Variants in ERC2 observed in about 807,000 individuals in gnomAD.
ERC2 encodes ELKS/RAB6-interacting/CAST family member 2.
ERC2 carries 42 observed loss-of-function variants against 114.8 expected under a neutral mutation model. The ratio of observed to expected loss-of-function variants is 0.37; its 90% CI spans 0.29 to 0.47. The LOEUF is 0.47. Ranked by LOEUF, ERC2 falls within the 20% of genes least tolerant of loss-of-function variation. The pLI, the probability that ERC2 is intolerant of heterozygous loss-of-function variation, is 0.99. For missense variants in ERC2, 939 were observed against 1,150.7 expected, an observed-to-expected ratio of 0.82 and a Z score of 2.66; for synonymous variants, 454 against 425.5, an observed-to-expected ratio of 1.07 and a Z score of -0.82.
chr3:56,368,183 T>TAA (rs546295550), intron 2 of ERC2, among the ~76,000 whole-genome samples: 2 of 85,756 alleles, frequency 2.3e-5, no homozygotes. Flanking sequence ...TTCTTTTTTT[T>TAA]TTAAAAAAAA....
At chr3:55,764,241 C>G (rs917363028) in intron 14 of ERC2, among the ~76,000 whole-genome samples, 3 of 152,230 alleles carry the variant, frequency 2.0e-5, no homozygotes, top group Non-Finnish European at 4.4e-5. Flanking sequence ...TCTGCAACAG[C>G]CATAACAGAT....
intron 17 of ERC2, among the ~76,000 whole-genome samples, chr3:55,594,735 T>C (rs2058053468): frequency 6.6e-6 from 1 of 152,158 alleles, no homozygotes; most frequent in Non-Finnish European, 1.5e-5. Flanking sequence ...CCACTGACCT[T>C]GGCCTCCTAA....
At chr3:56,106,155 A>T (rs1201706078) in intron 6 of ERC2, among the ~76,000 whole-genome samples, 1 of 152,196 alleles carries the variant, frequency 6.6e-6, no homozygotes, top group Non-Finnish European at 1.5e-5. Context: ...ATAAAGTAGG[A>T]TCCCTTTTGC....
At chr3:56,114,052 G>A (rs986088312) in intron 6 of ERC2, among the ~76,000 whole-genome samples, 2 of 152,134 alleles carry the variant, frequency 1.3e-5, no homozygotes, top group African/African-American at 4.8e-5. Context: ...CACTTCAAGG[G>A]AGGACAGGGC....
At chr3:55,545,487 G>C (rs1160025551) in intron 17 of ERC2, among the ~76,000 whole-genome samples, 1 of 152,212 alleles carries the variant, frequency 6.6e-6, no homozygotes, top group Non-Finnish European at 1.5e-5. Context: ...AGGTAGAATG[G>C]ATGGGTCACA....
rs187638287 is a variant in ERC2, at chr3:55,772,526, C to A, written c.2565-37608G>T. On this transcript the variant is annotated intron_variant, in intron 14 of 17. Coordinates refer to ENST00000288221, the MANE Select transcript of ERC2 (RefSeq NM_015576.3). ...AGAGACGGGGTTTCACCGCGTTAGC[C>A]AGGATGGTCTCGATCTCCTGACCTC... Among the ~76,000 whole-genome samples, 995 of 152,334 alleles carry A rather than the reference C, an allele frequency of 6.5e-3. 11 individuals are homozygous for A. Among genetic ancestry groups the A allele is most frequent in the African/African-American group, 0.022 (908 of 41,574 alleles).
At chr3:56,052,466 A>G (rs1317522273) in intron 7 of ERC2, among the ~76,000 whole-genome samples, 1 of 152,238 alleles carries the variant, frequency 6.6e-6, no homozygotes, top group Non-Finnish European at 1.5e-5. Context: ...GCCAATATCT[A>G]TACTTGCTGT....
At position 56,036,674 on chromosome 3, in the gene ERC2, G is replaced by A. The variant is rs577666810; in HGVS notation, c.1642-17643C>T. 1.4e-4 allele frequency among the ~76,000 whole-genome samples: 21 copies of A among 152,272 alleles called. No individual in the cohort carries two copies. The South Asian group carries it at 4.4e-3, about 32-fold the overall frequency. On this transcript the variant is annotated intron_variant, in intron 7 of 17. Transcript: ENST00000288221. ...CCACTGGGAGCTGCACAGAACAAGT[G>A]GAGCTCTCACCCCCAGACAAGGGAG...
intron 12 of ERC2, chr3:55,955,241 GGTGTGTTTGTGT>G (rs1407912028): frequency 2.7e-5 from 12 of 450,978 alleles, no homozygotes; most frequent in Middle Eastern, 3.3e-4. Context: ...ACTGTATGGT[GGTGTGTTTGTGT>G]GTGTGTGTGT....
chr3:56,315,038 T>A (rs746173164), intron 2 of ERC2, among the ~76,000 whole-genome samples: 1 of 152,108 alleles, frequency 6.6e-6, no homozygotes, highest in Non-Finnish European at 1.5e-5. Flanking sequence ...TCTAGACGCA[T>A]CCCTTCCACC....
At chr3:56,064,434 ACTT>A (rs1050368564) in intron 7 of ERC2, among the ~76,000 whole-genome samples, 42 of 152,312 alleles carry the variant, frequency 2.8e-4, no homozygotes, top group African/African-American at 8.7e-4. Context: ...TAAGAATTTA[ACTT>A]CTTATTTTAA....
chr3:55,528,053 G>C (rs778452168), intron 17 of ERC2, among the ~76,000 whole-genome samples: 1 of 152,020 alleles, frequency 6.6e-6, no homozygotes, highest in African/African-American at 2.4e-5. Context: ...TACATGAAAG[G>C]GCTTCATAAG....
At chr3:56,000,694 ATGCTT>A in intron 10 of ERC2, among the ~76,000 whole-genome samples, 1 of 152,234 alleles carries the variant, frequency 6.6e-6, no homozygotes, top group East Asian at 1.9e-4. Flanking sequence ...TGGAAGAAGC[ATGCTT>A]TGGTGGAATT....
At chr3:56,157,248 C>T (rs903994808) in intron 4 of ERC2, among the ~76,000 whole-genome samples, 3 of 152,136 alleles carry the variant, frequency 2.0e-5, no homozygotes, top group Admixed American at 1.3e-4. Flanking sequence ...CTGGTTCTTT[C>T]TTCCACAGTA....
At chr3:55,574,517 G>A (rs1241375889) in intron 17 of ERC2, among the ~76,000 whole-genome samples, 1 of 152,022 alleles carries the variant, frequency 6.6e-6, no homozygotes, top group Non-Finnish European at 1.5e-5. Flanking sequence ...GTGGCCTTGG[G>A]AAGAGCTGGG....
At chr3:56,103,442 C>T (rs919949040) in intron 6 of ERC2, among the ~76,000 whole-genome samples, 4 of 152,206 alleles carry the variant, frequency 2.6e-5, no homozygotes, top group Non-Finnish European at 5.9e-5. Context: ...ACAACCTTCC[C>T]TCCTCTCTAA....
chr3:55,706,249 C>A (rs1559526317), intron 15 of ERC2, among the ~76,000 whole-genome samples: 5 of 152,196 alleles, frequency 3.3e-5, no homozygotes, highest in Non-Finnish European at 7.3e-5. Context: ...CCCATTGATG[C>A]ACCCTTTGTT....
At position 56,252,082 on chromosome 3, in the gene ERC2, G is replaced by A. The variant is rs770241057; in HGVS notation, c.1074+43937C>T. 1.4e-4 allele frequency among the ~76,000 whole-genome samples: 22 copies of A among 152,254 alleles called. No individual in the cohort carries two copies. The South Asian group carries it at 2.7e-3, about 19-fold the overall frequency. ...GTGAAAGCAGGAGGGAGGCTGTAAG[G>A]TGCTCCCCCTTGCTCCTCATCCTTA... On this transcript the variant is annotated intron_variant, in intron 3 of 17. Coordinates refer to ENST00000288221, the MANE Select transcript of ERC2 (RefSeq NM_015576.3).
chr3:55,690,760 C>A (rs1190265367), intron 16 of ERC2, among the ~76,000 whole-genome samples: 2 of 152,246 alleles, frequency 1.3e-5, no homozygotes, highest in Non-Finnish European at 2.9e-5. Flanking sequence ...AGCAGCTCTG[C>A]ATTTTTCCCA....
Sources: gnomAD v4.1 joint callset for allele counts (sites outside exome capture counted in the v4.1 genomes callset) on GRCh38, gnomAD v4.1.1 for gene constraint, MANE v1.5 for transcripts, NCBI Gene and HGNC (gene_info 2026-07-23, HGNC 2026-07-21) for gene names.